The following SLC7A1 variants were observed in gnomAD, a reference collection of about 807,000 sequenced individuals.
SLC7A1 encodes high affinity cationic amino acid transporter 1.
Under a neutral mutation model 53.9 loss-of-function variants are expected in SLC7A1, and 10 were observed. The observed-to-expected ratio is 0.19, with a 90% CI of 0.11 to 0.31. The LOEUF (loss-of-function observed/expected upper bound fraction) is 0.31, where lower values mean the gene tolerates loss of function less well. Among genes scored for constraint, SLC7A1 ranks in the 10% least tolerant of loss-of-function variants. The pLI, the probability that SLC7A1 is intolerant of heterozygous loss-of-function variation, is 1.00. For missense variants in SLC7A1, 525 were observed against 827.2 expected (o/e 0.63, Z 4.48); for synonymous variants, 342 against 338.7 (o/e 1.01, Z -0.11).
chr13:29,584,933 C>T (rs928731278), intron 1 of SLC7A1, among the ~76,000 whole-genome samples: 4 of 152,182 alleles, frequency 2.6e-5, no homozygotes, highest in African/African-American at 7.2e-5. Context: ...ACAGGTTCTT[C>T]GTCGCATCAC....
intron 2 of SLC7A1, among the ~76,000 whole-genome samples, chr13:29,549,321 G>A (rs1018448192): frequency 6.6e-6 from 1 of 152,190 alleles, no homozygotes; most frequent in African/African-American, 2.4e-5. Flanking sequence ...CCAGGATGCG[G>A]GACCAGTGCC....
intron 2 of SLC7A1, among the ~76,000 whole-genome samples, chr13:29,548,301 A>G (rs1382796002): frequency 1.3e-5 from 2 of 152,354 alleles, no homozygotes; most frequent in East Asian, 3.9e-4. Flanking sequence ...CACGGTTAGG[A>G]GCTATACATT....
chr13:29,524,123 C>T lies in SLC7A1; in HGVS notation c.826+9G>A, dbSNP rs7321163. The T allele has an allele frequency of 4.0e-5, 63 of 1,580,780 alleles. No homozygotes were observed. Among genetic ancestry groups the T allele is most frequent in the Middle Eastern group, 2.1e-4 (1 of 4,822 alleles). ...GAGGACCCGGGACCGCAGTGGCTGG[C>T]GGACATACCTGTGGTGGCGATGCAG... On this transcript the variant is annotated intron_variant, in intron 6 of 12. Transcript: ENST00000380752.
At chr13:29,585,043 G>A (rs1230420960) in intron 1 of SLC7A1, among the ~76,000 whole-genome samples, 2 of 152,058 alleles carry the variant, frequency 1.3e-5, no homozygotes, top group African/African-American at 2.4e-5. Context: ...GCCACCTTTG[G>A]GACACCACTG....
intron 1 of SLC7A1, among the ~76,000 whole-genome samples, chr13:29,579,492 C>A (rs1871553286): frequency 6.6e-6 from 1 of 152,062 alleles, no homozygotes; most frequent in Non-Finnish European, 1.5e-5. Context: ...TCCCGAGTAG[C>A]TGGTACTACA....
At chr13:29,556,226 T>C (rs186871799) in intron 1 of SLC7A1, among the ~76,000 whole-genome samples, 197 of 152,108 alleles carry the variant, frequency 1.3e-3, no homozygotes, top group African/African-American at 4.6e-3. Context: ...CACTGGCAAA[T>C]ATGTAAAACA....
chr13:29,533,692 G>A (rs1335816982), intron 3 of SLC7A1, among the ~76,000 whole-genome samples: 4 of 152,224 alleles, frequency 2.6e-5, no homozygotes, highest in Non-Finnish European at 2.9e-5. Flanking sequence ...TGCACCCTCC[G>A]GTGCCGAAGA....
intron 1 of SLC7A1, among the ~76,000 whole-genome samples, chr13:29,555,027 C>A (rs1268070078): frequency 6.6e-6 from 1 of 152,166 alleles, no homozygotes; most frequent in East Asian, 1.9e-4. Flanking sequence ...GCCACCATGA[C>A]AACTGACCTC....
chr13:29,522,923 G>A (rs748047626), intron 7 of SLC7A1, among the ~76,000 whole-genome samples: 2 of 152,198 alleles, frequency 1.3e-5, no homozygotes, highest in Admixed American at 1.3e-4. Flanking sequence ...CATCAAAGTA[G>A]CTTCTGCATG....
Position 29,512,434 on chromosome 13 carries a change from G to A in SLC7A1, c.*2046C>T, listed in dbSNP as rs961103299. The A allele has an allele frequency of 6.6e-6, 1 of 152,038 alleles. No individual in the cohort carries two copies. 9.4% of individuals were successfully genotyped at this position (152,038 alleles called of 1,614,324 possible). On this transcript the variant is annotated 3_prime_UTR_variant, in exon 13 of 13. Coordinates refer to ENST00000380752, the MANE Select transcript of SLC7A1 (RefSeq NM_003045.5). Reference sequence around the variant, plus strand: ...TAGTCTATTGGGTGCTGTCTTGCACGGAAATCTCAGCCAGAAAGAAAAACT... The same window carrying A: ...TAGTCTATTGGGTGCTGTCTTGCACAGAAATCTCAGCCAGAAAGAAAAACT...
In SLC7A1 at chr13:29,530,726, T is replaced by C. The variant is rs1869110018; in HGVS notation, c.530-14A>G. 3 of 1,612,016 alleles carry C rather than the reference T, an allele frequency of 1.9e-6. No individual in the cohort carries two copies. Among genetic ancestry groups the C allele is most frequent in the Admixed American group, 1.7e-5 (1 of 59,902 alleles). The stretch of plus-strand genomic sequence containing the variant: ...GAGTTAAAAGTCCTGAAAAAGTGCA[T>C]AGACACAAAACTTTGTCTGAGTGTT... On this transcript the variant is annotated splice_polypyrimidine_tract_variant and intron_variant, in intron 4 of 12. Transcript: ENST00000380752.
rs1221940444 is a variant in SLC7A1 at position 29,511,695 on chromosome 13, G to GTTTGC, written c.*2780_*2784dup. On this transcript the variant is annotated 3_prime_UTR_variant, in exon 13 of 13. Coordinates refer to ENST00000380752, the MANE Select transcript of SLC7A1 (RefSeq NM_003045.5). ...AGGCAGGGGGGTGGAGATCTGCTGG[G>GTTTGC]TTTGCTGCTTCATGAATTTGGGCCT... 6.6e-6 allele frequency: 1 copy of GTTTGC among 152,244 alleles called. No homozygotes were observed. Among genetic ancestry groups the GTTTGC allele is most frequent in the African/African-American group, 2.4e-5 (1 of 41,460 alleles). 9.4% of individuals were successfully genotyped at this position (152,244 alleles called of 1,614,324 possible).
At chr13:29,580,266 A>G (rs946335405) in intron 1 of SLC7A1, among the ~76,000 whole-genome samples, 1 of 152,160 alleles carries the variant, frequency 6.6e-6, no homozygotes, top group African/African-American at 2.4e-5. Flanking sequence ...AGCAAGTGTG[A>G]TAAGTCCCCA....
intron 1 of SLC7A1, among the ~76,000 whole-genome samples, chr13:29,555,449 G>A (rs1031140154): frequency 6.9e-6 from 1 of 144,514 alleles, no homozygotes; most frequent in African/African-American, 2.6e-5. Context: ...TAATTCAATA[G>A]TATTTAAAAC....
At chr13:29,572,129 A>T (rs1334463065) in intron 1 of SLC7A1, among the ~76,000 whole-genome samples, 2 of 152,236 alleles carry the variant, frequency 1.3e-5, no homozygotes, top group African/African-American at 4.8e-5. Flanking sequence ...ACACTGCCCC[A>T]AAACGCAGGT....
In SLC7A1 at chr13:29,573,422, T is replaced by A. The variant is rs373441589; in HGVS notation, c.-114-19562A>T. Among the ~76,000 whole-genome samples the A allele has an allele frequency of 2.4e-4, 37 of 152,252 alleles. No homozygotes were observed. In the South Asian group the frequency reaches 2.5e-3, roughly 10 times the overall value. ...GCGGGGAACACCACACTCTGGCAGC[T>A]GAAGGAGGAAGTAGCACACAGATGA... is the stretch of plus-strand genomic sequence containing the variant. On this transcript the variant is annotated intron_variant, in intron 1 of 12. Coordinates refer to ENST00000380752, the MANE Select transcript of SLC7A1 (RefSeq NM_003045.5).
intron 2 of SLC7A1, among the ~76,000 whole-genome samples, chr13:29,539,600 T>A (rs1383479117): frequency 6.6e-6 from 1 of 152,178 alleles, no homozygotes; most frequent in African/African-American, 2.4e-5. Flanking sequence ...CTGCGCTCAT[T>A]TCCCCTGAAT....
At chr13:29,569,171 G>C (rs543641312) in intron 1 of SLC7A1, among the ~76,000 whole-genome samples, 1 of 152,154 alleles carries the variant, frequency 6.6e-6, no homozygotes, top group African/African-American at 2.4e-5. Context: ...CCCACTACGA[G>C]GCCCACCTGT....
At chr13:29,532,128 A>G (rs915945269) in intron 4 of SLC7A1, among the ~76,000 whole-genome samples, 3 of 152,216 alleles carry the variant, frequency 2.0e-5, no homozygotes, top group Non-Finnish European at 4.4e-5. Context: ...TGTCATTTTT[A>G]AAACTCATCC....
Sources: gnomAD v4.1 joint callset for allele counts (sites outside exome capture counted in the v4.1 genomes callset) on GRCh38, gnomAD v4.1.1 for gene constraint, MANE v1.5 for transcripts, NCBI Gene and HGNC (gene_info 2026-07-23, HGNC 2026-07-21) for gene names.